NRK: variants seen among roughly 807,000 people sequenced by gnomAD.
NRK encodes nik-related protein kinase.
NRK carries 67 observed loss-of-function variants against 125.2 expected under a neutral mutation model. The ratio of observed to expected loss-of-function variants is 0.54; its 90% CI spans 0.44 to 0.66. The LOEUF (loss-of-function observed/expected upper bound fraction) is 0.66, where lower values mean the gene tolerates loss of function less well. NRK is among the 30% of genes least tolerant of loss of function. NRK has a pLI of 0.00. For synonymous variants in NRK, 458 were observed against 429.0 expected (o/e 1.07, Z -0.84); for missense variants, 1,224 against 1,192.9 (o/e 1.03, Z -0.38).
chrX:105,949,734 G>T lies in NRK; in HGVS notation c.4513G>T (p.Ala1505Ser), dbSNP rs200931037. Residue 1505 changes from alanine to serine, a missense_variant and splice_region_variant, in exon 27 of 29, where the codon GCT becomes TCT. Ala to Ser is a moderately conservative substitution (Grantham distance 99, BLOSUM62 1). Coordinates refer to ENST00000243300, the MANE Select transcript of NRK (RefSeq NM_198465.4). ...GTGGAAAGACATACCATCTTCTATA[G>T]GTATGTATACAATTTATTTCTTCTT... is the stretch of plus-strand genomic sequence containing the variant. ...EMWKDIPSSI[A>S]FECTQRTTGW... 15 of 1,160,489 alleles carry T rather than the reference G, an allele frequency of 1.3e-5. No individual in the cohort carries two copies. The highest frequency in any genetic ancestry group is 1.6e-5 in the Non-Finnish European group (14 of 859,187).
At chrX:105,921,642 T>C (rs1295346480) in intron 16 of NRK, among the ~76,000 whole-genome samples, 1 of 109,425 alleles carries the variant, frequency 9.1e-6, no homozygotes, top group Non-Finnish European at 1.9e-5. Context: ...TTTTTAAATG[T>C]ATCTACCTGG....
At chrX:105,929,528 G>C (rs1233116700) in intron 19 of NRK, among the ~76,000 whole-genome samples, 1 of 108,002 alleles carries the variant, frequency 9.3e-6, no homozygotes, top group East Asian at 2.8e-4. Flanking sequence ...TTATTGATAT[G>C]TGAACACTTA....
At position 105,902,059 on chromosome X, in the gene NRK, A is replaced by G. The variant is rs759577090; in HGVS notation, c.766+1387A>G. Reference sequence around the variant, plus strand: ...GCTCCTCACCATGCCTTTCCGGGAAACCAACTTTCTATGTTTTCCAGTTTG... The same window carrying G: ...GCTCCTCACCATGCCTTTCCGGGAAGCCAACTTTCTATGTTTTCCAGTTTG... On this transcript the variant is annotated intron_variant, in intron 9 of 28. Coordinates refer to ENST00000243300, the MANE Select transcript of NRK (RefSeq NM_198465.4). Among the ~76,000 whole-genome samples, 12 of 110,343 alleles carry G rather than the reference A, an allele frequency of 1.1e-4. No homozygotes were observed. In the East Asian group the frequency reaches 1.7e-3, roughly 16 times the overall value.
chrX:105,896,421 A>G (rs751159299), intron 7 of NRK, among the ~76,000 whole-genome samples: 1 of 112,358 alleles, frequency 8.9e-6, no homozygotes, highest in South Asian at 3.7e-4. Context: ...TTCACTGAAC[A>G]TTTGTGGAAG....
At chrX:105,945,501 C>T (rs934216330) in intron 24 of NRK, among the ~76,000 whole-genome samples, 6 of 111,817 alleles carry the variant, frequency 5.4e-5, no homozygotes, top group South Asian at 3.7e-4. Context: ...AGACAAATCA[C>T]GTCACATCCC....
rs775415408 is a variant in NRK, at chrX:105,911,796, A to G, written c.2242-852A>G. On this transcript the variant is annotated intron_variant, in intron 13 of 28. Transcript: ENST00000243300. Reference sequence around the variant, plus strand: ...AATGGGTTTTGCATTTATGAATAAGACTTTTATTGATCTCTGAAAGATTCA... The same window carrying G: ...AATGGGTTTTGCATTTATGAATAAGGCTTTTATTGATCTCTGAAAGATTCA... 1.8e-3 allele frequency among the ~76,000 whole-genome samples: 198 copies of G among 111,921 alleles called. 1 individual carries two copies. Among genetic ancestry groups the G allele is most frequent in the Middle Eastern group, 0.014 (3 of 219 alleles).
upstream of NRK, chrX:105,822,415 C>T: frequency 6.0e-6 from 1 of 166,443 alleles, no homozygotes; most frequent in Non-Finnish European, 1.1e-5. Flanking sequence ...TAGCCTGCCT[C>T]CCCGCCGGGC....
chrX:105,945,894 A>G lies in NRK; in HGVS notation c.4082A>G (p.Asp1361Gly). The G allele has an allele frequency of 8.3e-7, 1 of 1,207,117 alleles. No homozygotes were observed. The highest frequency in any genetic ancestry group is 1.8e-5 in the South Asian group (1 of 56,684). The change falls in exon 25 of 29, where the codon GAC (aspartate) becomes GGC (glycine). Residue 1361 changes from aspartate to glycine, a missense_variant. By Grantham distance (94) the Asp-to-Gly change is moderately conservative. Coordinates refer to ENST00000243300, the MANE Select transcript of NRK (RefSeq NM_198465.4). ...AIKVCIDQSA[D>G]SEGDYMSYQA... ...CAAGTATGCATTGATCAATCAGCAG[A>G]CTCTGAAGGAGACTACATGTCCTAT...
chrX:105,921,858 GA>G (rs1276360662), intron 16 of NRK, 105 bp from the exon 17 acceptor site: 2,685 of 287,170 alleles, frequency 9.3e-3, no homozygotes, highest in East Asian at 0.012. Context: ...AAATGACCAA[GA>G]AAAAAAAAAA....
At chrX:105,945,824 C>A (rs371962842) in intron 24 of NRK, 48 bp from the exon 25 acceptor site, 4 of 1,124,833 alleles carry the variant, frequency 3.6e-6, no homozygotes, top group African/African-American at 3.6e-5. Flanking sequence ...GAGTACATAC[C>A]CAGTATATGG....
chrX:105,853,792 A>G (rs921609266), intron 2 of NRK, among the ~76,000 whole-genome samples: 1 of 112,482 alleles, frequency 8.9e-6, no homozygotes, highest in Non-Finnish European at 1.9e-5. Context: ...GCAAATTAAT[A>G]TAAGCAAATA....
chrX:105,844,494 A>G (rs888104159), intron 2 of NRK, among the ~76,000 whole-genome samples: 1 of 112,304 alleles, frequency 8.9e-6, no homozygotes, highest in African/African-American at 3.2e-5. Flanking sequence ...TTTACATTAC[A>G]TCCAAATGCT....
rs372448198 is a variant in NRK at position 105,909,577 on chromosome X, G to C, written c.1936G>C (p.Asp646His). Reference sequence around the variant, plus strand: ...AGCACTGATAGAGGGACTATCAAGAGACTTGCTTCGGGCACCAAACTCAAA... The same window carrying C: ...AGCACTGATAGAGGGACTATCAAGACACTTGCTTCGGGCACCAAACTCAAA... ...VQALIEGLSR[D>H]LLRAPNSNNS... The change falls in exon 13 of 29, where the codon GAC becomes CAC. Residue 646 changes from aspartate (D) to histidine (H), a missense_variant. Asp to His is a moderately conservative substitution (Grantham distance 81, BLOSUM62 -1). Transcript: ENST00000243300. 16 of 1,204,609 alleles carry C rather than the reference G, an allele frequency of 1.3e-5. No individual in the cohort carries two copies. The African/African-American group carries it at 1.4e-4, about 11-fold the overall frequency.
At chrX:105,887,372 A>T (rs1461204917) in intron 4 of NRK, among the ~76,000 whole-genome samples, 1 of 112,137 alleles carries the variant, frequency 8.9e-6, no homozygotes, top group Admixed American at 9.5e-5. Flanking sequence ...TAAAACCACA[A>T]TGAGACACCA....
intron 19 of NRK, among the ~76,000 whole-genome samples, chrX:105,928,111 A>G (rs991314223): frequency 2.7e-5 from 3 of 111,379 alleles, no homozygotes; most frequent in African/African-American, 6.5e-5. Flanking sequence ...CACTGATGCC[A>G]TAGGGTACTG....
chrX:105,915,858 T>A, intron 15 of NRK, 61 bp downstream of exon 15: 2 of 629,145 alleles, frequency 3.2e-6, no homozygotes, highest in South Asian at 2.7e-5. Flanking sequence ...AAATTAAAAA[T>A]TATTTCATTG....
At chrX:105,863,492 T>C (rs1223606752) in intron 2 of NRK, among the ~76,000 whole-genome samples, 1 of 111,934 alleles carries the variant, frequency 8.9e-6, no homozygotes, top group African/African-American at 3.2e-5. Flanking sequence ...TTTATCAGTT[T>C]TCTGTAGTCA....
chrX:105,871,311 A>G (rs2039744212), intron 2 of NRK, among the ~76,000 whole-genome samples: 1 of 111,263 alleles, frequency 9.0e-6, no homozygotes, highest in South Asian at 3.8e-4. Context: ...CAATGAAAAT[A>G]CCATTTACTT....
intron 10 of NRK, among the ~76,000 whole-genome samples, chrX:105,906,074 G>A (rs940839425): frequency 1.8e-5 from 2 of 111,640 alleles, no homozygotes; most frequent in Non-Finnish European, 3.8e-5. Flanking sequence ...GCTGTGGGCC[G>A]ATCAATCTAG....
Sources: allele counts gnomAD v4.1 joint callset (sites outside exome capture counted in the v4.1 genomes callset), GRCh38; gene constraint gnomAD v4.1.1; transcripts MANE v1.5; gene names NCBI Gene and HGNC (gene_info 2026-07-23, HGNC 2026-07-21).